Variants in ACSS3 observed in about 807,000 individuals in gnomAD.
ACSS3 encodes acyl-CoA synthetase short chain family member 3.
Under a neutral mutation model 84.2 loss-of-function variants are expected in ACSS3, and 64 were observed. That is an observed-to-expected ratio of 0.76 (90% CI 0.62 to 0.94). The LOEUF (loss-of-function observed/expected upper bound fraction) is 0.94. Among genes scored for constraint, ACSS3 ranks in the 40% least tolerant of loss-of-function variants. The pLI, the probability that ACSS3 is intolerant of heterozygous loss-of-function variation, is 0.00. For synonymous variants in ACSS3, 317 were observed against 310.1 expected, an observed-to-expected ratio of 1.02 and a Z score of -0.23; for missense variants, 815 against 867.6, an observed-to-expected ratio of 0.94 and a Z score of 0.76.
rs2034951377 is a variant in ACSS3, at chr12:81,260,260, C to T, written c.*5338C>T. On this transcript the variant is annotated 3_prime_UTR_variant, in exon 16 of 16. Coordinates refer to ENST00000548058, the MANE Select transcript of ACSS3 (RefSeq NM_024560.4). ...TTCACCCAAACAAAAAATGGTTGTC[C>T]TAGATTGAATTATTGTAAATGAATA... is the stretch of plus-strand genomic sequence containing the variant. 6.6e-6 allele frequency: 1 copy of T among 152,026 alleles called. No individual in the cohort carries two copies. The highest frequency in any genetic ancestry group is 2.4e-5 in the African/African-American group (1 of 41,374). The allele number at this position is 152,026 out of a possible 1,614,324, so 9.4% of individuals were successfully genotyped here.
intron 13 of ACSS3, among the ~76,000 whole-genome samples, chr12:81,237,338 T>C (rs1459590014): frequency 6.6e-6 from 1 of 151,608 alleles, no homozygotes; most frequent in African/African-American, 2.4e-5. Flanking sequence ...ACTATAGGTC[T>C]AATTTTTCAG....
chr12:81,203,741 A>G (rs556559148), intron 9 of ACSS3, among the ~76,000 whole-genome samples: 1 of 152,314 alleles, frequency 6.6e-6, no homozygotes, highest in African/African-American at 2.4e-5. Flanking sequence ...GGTCTTGTCA[A>G]GTTTAGAGAG....
intron 9 of ACSS3, among the ~76,000 whole-genome samples, chr12:81,211,092 C>T (rs1005270178): frequency 2.0e-5 from 3 of 151,898 alleles, no homozygotes; most frequent in Admixed American, 2.0e-4. Flanking sequence ...TCAGCCTGCC[C>T]AATAGCTGGG....
In ACSS3 at chr12:81,148,858, G is replaced by A. The variant is rs371611652; in HGVS notation, c.922-2986G>A. On this transcript the variant is annotated intron_variant, in intron 5 of 15. Coordinates refer to ENST00000548058, the MANE Select transcript of ACSS3 (RefSeq NM_024560.4). ...GGGCAGATCACGAGGTCTGGAGATC[G>A]AGACCATCCTGGCTAGCACGGTGAA... Among the ~76,000 whole-genome samples the A allele has an allele frequency of 1.2e-4, 17 of 141,018 alleles. No homozygotes were observed. In the East Asian group the frequency reaches 3.3e-3, roughly 27 times the overall value. The allele number at this position is 141,018 out of a possible 152,430, so 92.5% of individuals were successfully genotyped here.
At chr12:81,099,549 T>C (rs555869168) in intron 1 of ACSS3, among the ~76,000 whole-genome samples, 16 of 152,288 alleles carry the variant, frequency 1.1e-4, no homozygotes, top group Non-Finnish European at 1.9e-4. Context: ...TAGGCCACAC[T>C]GTTAAAAATA....
Position 81,089,738 on chromosome 12 carries a change from CA to C in ACSS3, c.311+11310del, listed in dbSNP as rs576513133. On this transcript the variant is annotated intron_variant, in intron 1 of 15. Coordinates refer to ENST00000548058, the MANE Select transcript of ACSS3 (RefSeq NM_024560.4). ...AATAATAACAAAACAATGACAATGGCAAAGACTATAGTACTGCTGTTTTGGT... is the reference window on the plus strand; with the variant it reads ...AATAATAACAAAACAATGACAATGGCAAGACTATAGTACTGCTGTTTTGGT... Among the ~76,000 whole-genome samples the C allele has an allele frequency of 3.8e-3, 583 of 152,026 alleles. 5 individuals are homozygous for C. Among genetic ancestry groups the C allele is most frequent in the African/African-American group, 0.013 (553 of 41,520 alleles).
At chr12:81,145,836 G>T (rs1886313979) in intron 5 of ACSS3, among the ~76,000 whole-genome samples, 2 of 152,302 alleles carry the variant, frequency 1.3e-5, no homozygotes, top group Admixed American at 6.5e-5. Context: ...ACACATATGG[G>T]GTTGGAGATA....
intron 9 of ACSS3, among the ~76,000 whole-genome samples, chr12:81,205,240 G>T (rs1278426469): frequency 6.6e-6 from 1 of 152,028 alleles, no homozygotes; most frequent in African/African-American, 2.4e-5. Context: ...GATTCTAAGG[G>T]TACACATACC....
chr12:81,191,448 TA>T (rs563643565), intron 8 of ACSS3, among the ~76,000 whole-genome samples: 380 of 152,292 alleles, frequency 2.5e-3, no homozygotes, highest in African/African-American at 9.0e-3. Flanking sequence ...GCTCGTCTCA[TA>T]AAATGGGCAT....
intron 7 of ACSS3, among the ~76,000 whole-genome samples, chr12:81,167,152 T>A (rs1034873757): frequency 6.6e-6 from 1 of 152,238 alleles, no homozygotes; most frequent in Non-Finnish European, 1.5e-5. Context: ...CAGTTTCCAT[T>A]CTCTGCTTCA....
Position 81,199,411 on chromosome 12 carries a change from A to C in ACSS3, c.1321A>C (p.Arg441=). The C allele has an allele frequency of 6.2e-7, 1 of 1,613,766 alleles. No individual in the cohort carries two copies. Among genetic ancestry groups the C allele is most frequent in the Non-Finnish European group, 8.5e-7 (1 of 1,179,756 alleles). ...ETLEWSKNVF[R]VPVLDHWWQT... is the part of the protein sequence containing the mutation. ...CCTGGAATGGTCCAAAAATGTCTTC[A>C]GAGTACCTGTCTTAGACCATTGGTG... The change falls in exon 9 of 16, where the codon AGA becomes CGA. Residue 441 remains arginine (R), a synonymous_variant. Transcript: ENST00000548058.
intron 8 of ACSS3, among the ~76,000 whole-genome samples, chr12:81,195,303 A>G (rs2031773699): frequency 6.6e-6 from 1 of 152,048 alleles, no homozygotes; most frequent in Non-Finnish European, 1.5e-5. Flanking sequence ...GATTATCAAC[A>G]TTATGGCCTT....
At chr12:81,131,238 A>G (rs536809914) in intron 2 of ACSS3, among the ~76,000 whole-genome samples, 225 of 152,326 alleles carry the variant, frequency 1.5e-3, no homozygotes, top group Middle Eastern at 3.4e-3. Context: ...TTTTCACAAT[A>G]TTAATTCTTC....
intron 15 of ACSS3, among the ~76,000 whole-genome samples, chr12:81,254,190 A>AT (rs2034238271): frequency 6.6e-6 from 1 of 152,116 alleles, no homozygotes; most frequent in South Asian, 2.1e-4. Context: ...TCAACCTCCC[A>AT]AAGTGCTGGG....
chr12:81,233,521 C>T lies in ACSS3; in HGVS notation c.1719+50C>T, dbSNP rs199876725. On this transcript the variant is annotated intron_variant, in intron 13 of 15. Transcript: ENST00000548058. ...TTCCAAGTAGTGCTTAGGCACAGAGCTGCACTGAAGACAATATTGAGGTTA... is the reference window on the plus strand; with the variant it reads ...TTCCAAGTAGTGCTTAGGCACAGAGTTGCACTGAAGACAATATTGAGGTTA... The T allele has an allele frequency of 3.2e-4, 515 of 1,600,416 alleles. 3 individuals carry two copies. The East Asian group carries it at 0.01, about 31-fold the overall frequency.
At chr12:81,193,173 G>T (rs1481527855) in intron 8 of ACSS3, among the ~76,000 whole-genome samples, 2 of 152,134 alleles carry the variant, frequency 1.3e-5, no homozygotes, top group Non-Finnish European at 2.9e-5. Flanking sequence ...GATAACCACA[G>T]ATATATTGAT....
At chr12:81,103,786 GA>G (rs1255352199) in intron 1 of ACSS3, among the ~76,000 whole-genome samples, 11 of 151,706 alleles carry the variant, frequency 7.3e-5, no homozygotes, top group African/African-American at 9.7e-5. Context: ...GCCAACAATT[GA>G]AAAAAAATTC....
In ACSS3 at chr12:81,151,856, C is replaced by T. The variant is rs372084903; in HGVS notation, c.934C>T (p.Pro312Ser). 6.2e-7 allele frequency: 1 copy of T among 1,613,364 alleles called. No individual in the cohort carries two copies. The highest frequency in any genetic ancestry group is 1.3e-5 in the African/African-American group (1 of 74,904). ...TTGLPKGVIR[P>S]TGGYAVMLHW... Reference sequence around the variant, plus strand: ...TTTCTCTCCTTAGGGTGTGATTAGGCCCACTGGGGGATACGCTGTCATGCT... The same window carrying T: ...TTTCTCTCCTTAGGGTGTGATTAGGTCCACTGGGGGATACGCTGTCATGCT... The change falls in exon 6 of 16, where the codon CCC becomes TCC. Residue 312 changes from proline (P) to serine (S), a missense_variant. Coordinates refer to ENST00000548058, the MANE Select transcript of ACSS3 (RefSeq NM_024560.4).
chr12:81,253,426 C>T lies in ACSS3; in HGVS notation c.1819+20C>T, dbSNP rs966859839. On this transcript the variant is annotated intron_variant, in intron 14 of 15. Coordinates refer to ENST00000548058, the MANE Select transcript of ACSS3 (RefSeq NM_024560.4). ...GAAAAGGTGAGAGATCTTTTTCTCC[C>T]TGATTGCTTGGGACCTGAATAATTA... 2 of 1,613,334 alleles carry T rather than the reference C, an allele frequency of 1.2e-6. No individual in the cohort carries two copies. The highest frequency in any genetic ancestry group is 1.7e-6 in the Non-Finnish European group (2 of 1,179,494).
Sources: gnomAD v4.1 joint callset for allele counts (sites outside exome capture counted in the v4.1 genomes callset) on GRCh38, gnomAD v4.1.1 for gene constraint, MANE v1.5 for transcripts, NCBI Gene and HGNC (gene_info 2026-07-23, HGNC 2026-07-21) for gene names.